TAF4B: variants seen among roughly 807,000 people sequenced by gnomAD.
TAF4B encodes TATA-box binding protein associated factor 4b, also known as transcription initiation factor TFIID subunit 4B.
In TAF4B, 38 loss-of-function variants were observed where a neutral mutation model predicts 86.4. The observed-to-expected ratio is 0.44, with a 90% CI of 0.34 to 0.58. TAF4B has a LOEUF of 0.58. Among genes scored for constraint, TAF4B ranks in the 20% least tolerant of loss-of-function variants. The probability of loss-of-function intolerance (pLI) is 0.02; values close to 1 mark genes in which losing one functional copy is unlikely to be tolerated. For synonymous variants in TAF4B, 388 were observed against 391.2 expected (o/e 0.99, Z 0.10); for missense variants, 988 against 1,027.6 (o/e 0.96, Z 0.53).
At chr18:26,323,992 GCTT>G (rs2056983852) in intron 11 of TAF4B, among the ~76,000 whole-genome samples, 1 of 151,954 alleles carries the variant, frequency 6.6e-6, no homozygotes, top group Non-Finnish European at 1.5e-5. Flanking sequence ...CACTTCCTCT[GCTT>G]CTTATGTTTA....
chr18:26,354,751 G>A (rs1195174101), intron 13 of TAF4B, among the ~76,000 whole-genome samples: 1 of 152,138 alleles, frequency 6.6e-6, no homozygotes, highest in Non-Finnish European at 1.5e-5. Flanking sequence ...GTTTTGTTCT[G>A]TTAACCTATG....
intron 2 of TAF4B, 118 bp from the exon 3 acceptor site, chr18:26,267,398 A>G (rs2056254286): frequency 1.5e-6 from 1 of 686,152 alleles, no homozygotes. Context: ...TTAGGTTATA[A>G]CTCCAGTCAT....
chr18:26,250,061 G>T (rs1009854330), intron 1 of TAF4B, among the ~76,000 whole-genome samples: 2 of 151,936 alleles, frequency 1.3e-5, no homozygotes, highest in East Asian at 3.9e-4. Context: ...TTTGAAACAG[G>T]GTCTCACTCT....
At chr18:26,256,101 G>A (rs2056080309) in intron 1 of TAF4B, 3 of 1,515,124 alleles carry the variant, frequency 2.0e-6, no homozygotes, top group Non-Finnish European at 1.8e-6. Context: ...GTAGTCTTTA[G>A]ACTGGGTCCA....
chr18:26,240,656 T>A (rs538178150), intron 1 of TAF4B, among the ~76,000 whole-genome samples: 8 of 152,346 alleles, frequency 5.3e-5, no homozygotes, highest in Admixed American at 5.2e-4. Context: ...CATCCCTGTC[T>A]TGTGCCAGTT....
At chr18:26,289,397 CACTT>C (rs746014133) in intron 7 of TAF4B, among the ~76,000 whole-genome samples, 30 of 152,316 alleles carry the variant, frequency 2.0e-4, no homozygotes, top group East Asian at 3.9e-4. Flanking sequence ...GAAGAATACA[CACTT>C]ACTTCCTTTA....
chr18:26,229,897 ATACTT>A (rs1421048279), intron 1 of TAF4B, among the ~76,000 whole-genome samples: 2 of 152,232 alleles, frequency 1.3e-5, no homozygotes, highest in African/African-American at 2.4e-5. Flanking sequence ...AAGATAATGA[ATACTT>A]TAAGTATTTG....
In TAF4B at chr18:26,343,315, T is replaced by G. The variant is rs147028867; in HGVS notation, c.2316+8084T>G. On this transcript the variant is annotated intron_variant, in intron 13 of 14. Coordinates refer to ENST00000269142, the MANE Select transcript of TAF4B (RefSeq NM_005640.3). ...GGAGGAGCTCAGGAAAGCAACCCCA[T>G]GTGATTGTGTTAAACTCCTAGACCT... Among the ~76,000 whole-genome samples the G allele has an allele frequency of 2.2e-3, 338 of 152,306 alleles. 3 individuals carry two copies. The highest frequency in any genetic ancestry group is 0.02 in the Admixed American group (307 of 15,296).
rs1434047437 is a variant in TAF4B at position 26,263,232 on chromosome 18, G to T, written c.344-1938G>T. 2.6e-5 allele frequency among the ~76,000 whole-genome samples: 4 copies of T among 152,172 alleles called. No individual in the cohort carries two copies. The South Asian group carries it at 6.2e-4, about 24-fold the overall frequency. On this transcript the variant is annotated intron_variant, in intron 1 of 14. Coordinates refer to ENST00000269142, the MANE Select transcript of TAF4B (RefSeq NM_005640.3). ...GCCTGCCAAAGTGTTGGGATTACAG[G>T]CGTGAGCCACCATGCCTGGCCAATA...
At chr18:26,322,157 T>C (rs1193132814) in intron 11 of TAF4B, among the ~76,000 whole-genome samples, 1 of 152,110 alleles carries the variant, frequency 6.6e-6, no homozygotes, top group Admixed American at 6.5e-5. Context: ...CCTTAAGAGA[T>C]TTTGAATTTG....
chr18:26,387,408 C>G (rs7236786), intron 14 of TAF4B, among the ~76,000 whole-genome samples: 33,429 of 152,096 alleles, frequency 0.22, 4,343 homozygotes, highest in Non-Finnish European at 0.3. Flanking sequence ...TAGTAACTTT[C>G]TTCCTAATAT....
chr18:26,380,919 T>C (rs143706579), intron 14 of TAF4B, among the ~76,000 whole-genome samples: 1 of 152,314 alleles, frequency 6.6e-6, no homozygotes, highest in East Asian at 1.9e-4. Flanking sequence ...TTCCCAGTTT[T>C]TTTCTCCTTT....
At chr18:26,367,847 T>TG (rs2057381662) in intron 14 of TAF4B, among the ~76,000 whole-genome samples, 2 of 152,242 alleles carry the variant, frequency 1.3e-5, no homozygotes, top group Non-Finnish European at 2.9e-5. Context: ...TCCATGGACA[T>TG]GCACAAAATT....
At chr18:26,285,266 C>G (rs2056505781) in intron 6 of TAF4B, among the ~76,000 whole-genome samples, 1 of 94,438 alleles carries the variant, frequency 1.1e-5, no homozygotes, top group Non-Finnish European at 2.2e-5. Flanking sequence ...GTCACCCAGG[C>G]TAGAATGCAG....
intron 1 of TAF4B, among the ~76,000 whole-genome samples, chr18:26,236,306 T>C (rs2055746771): frequency 6.6e-6 from 1 of 152,184 alleles, no homozygotes. Context: ...ATTCTTAGGA[T>C]GGTAATGGAC....
chr18:26,315,589 T>G (rs1413563301), intron 10 of TAF4B, among the ~76,000 whole-genome samples, 191 bp downstream of exon 10: 1 of 152,156 alleles, frequency 6.6e-6, no homozygotes, highest in Admixed American at 6.5e-5. Flanking sequence ...AACATGGTAT[T>G]GGGTTTGGTT....
intron 14 of TAF4B, among the ~76,000 whole-genome samples, chr18:26,382,556 T>C (rs1003936630): frequency 2.6e-5 from 4 of 152,128 alleles, no homozygotes; most frequent in Non-Finnish European, 4.4e-5. Flanking sequence ...GTAATAGTTG[T>C]GAATAAACCA....
rs1370487738 is a variant in TAF4B at position 26,286,365 on chromosome 18, C to T, written c.1456C>T (p.Pro486Ser). 6.2e-7 allele frequency: 1 copy of T among 1,614,186 alleles called. No homozygotes were observed. Among genetic ancestry groups the T allele is most frequent in the East Asian group, 2.2e-5 (1 of 44,888 alleles). ...GAAICLPSVK[P>S]VVSSAGTTSD... ...AGCTATTTGTCTTCCATCTGTGAAA[C>T]CTGTTGTTTCTTCTGCTGGGACCAC... The change falls in exon 7 of 15, where the codon CCT (proline) becomes TCT (serine). Residue 486 changes from proline (P) to serine (S), a missense_variant. Physicochemically the swap from Pro to Ser is moderately conservative, Grantham distance 74 (BLOSUM62 -1). Coordinates refer to ENST00000269142, the MANE Select transcript of TAF4B (RefSeq NM_005640.3).
chr18:26,321,685 A>G, intron 11 of TAF4B, among the ~76,000 whole-genome samples: 1 of 152,092 alleles, frequency 6.6e-6, no homozygotes, highest in South Asian at 2.1e-4. Context: ...TTAGTTGAAT[A>G]AGTTAACATT....
Sources: allele counts gnomAD v4.1 joint callset (sites outside exome capture counted in the v4.1 genomes callset), GRCh38; gene constraint gnomAD v4.1.1; transcripts MANE v1.5; gene names NCBI Gene and HGNC (gene_info 2026-07-23, HGNC 2026-07-21).